TRPM7: variants seen among roughly 807,000 people sequenced by gnomAD.
TRPM7 encodes transient receptor potential cation channel subfamily M member 7.
In TRPM7, 134 loss-of-function variants were observed where a neutral mutation model predicts 229.7. The ratio of observed to expected loss-of-function variants is 0.58; its 90% CI spans 0.51 to 0.67. The LOEUF (loss-of-function observed/expected upper bound fraction) is 0.67. TRPM7 is among the 30% of genes least tolerant of loss of function. The probability of loss-of-function intolerance (pLI) is 0.00; values close to 1 mark genes in which losing one functional copy is unlikely to be tolerated. For synonymous variants in TRPM7, 699 were observed against 715.2 expected, an observed-to-expected ratio of 0.98 and a Z score of 0.36; for missense variants, 1,901 against 2,210.0, an observed-to-expected ratio of 0.86 and a Z score of 2.80.
At chr15:50,628,829 T>C (rs2060642949) in intron 10 of TRPM7, among the ~76,000 whole-genome samples, 1 of 152,228 alleles carries the variant, frequency 6.6e-6, no homozygotes, top group Non-Finnish European at 1.5e-5. Context: ...GATAGCGCTA[T>C]TAGGATTCTG....
At position 50,559,827 on chromosome 15, in the gene TRPM7, A is replaced by C. The variant is rs540854709; in HGVS notation, c.*1851T>G. On this transcript the variant is annotated 3_prime_UTR_variant, in exon 39 of 39. Coordinates refer to ENST00000646667, the MANE Select transcript of TRPM7 (RefSeq NM_017672.6). ...CAGGAGTTTGTGACCACACTGGCCAACATAGTGAAACCCTGTCTCTACTAA... is the reference window on the plus strand; with the variant it reads ...CAGGAGTTTGTGACCACACTGGCCACCATAGTGAAACCCTGTCTCTACTAA... 8 of 152,228 alleles carry C rather than the reference A, an allele frequency of 5.3e-5. No homozygotes were observed. Among genetic ancestry groups the C allele is most frequent in the African/African-American group, 1.9e-4 (8 of 41,534 alleles). The allele number at this position is 152,228 out of a possible 1,614,324, so 9.4% of individuals were successfully genotyped here.
At chr15:50,611,923 T>C (rs1014075326) in intron 16 of TRPM7, among the ~76,000 whole-genome samples, 33 of 152,236 alleles carry the variant, frequency 2.2e-4, no homozygotes, top group African/African-American at 7.7e-4. Flanking sequence ...TTATGAACTA[T>C]GTCGTTACTC....
chr15:50,581,501 A>G (rs1323426206), intron 29 of TRPM7, among the ~76,000 whole-genome samples: 1 of 71,600 alleles, frequency 1.4e-5, no homozygotes, highest in Non-Finnish European at 4.2e-5. Context: ...TCCATCTCGA[A>G]AAAAAAAATA....
intron 6 of TRPM7, among the ~76,000 whole-genome samples, 154 bp from the exon 7 acceptor site, chr15:50,637,747 G>A (rs1028969012): frequency 3.9e-5 from 6 of 152,180 alleles, no homozygotes; most frequent in Admixed American, 1.3e-4. Flanking sequence ...TTCAAAAAGC[G>A]TAAGCTTTTA....
intron 28 of TRPM7, 143 bp downstream of exon 28, chr15:50,586,249 G>C: frequency 1.9e-6 from 1 of 518,066 alleles, no homozygotes. Flanking sequence ...ACTTATTCAA[G>C]GTTACAGTCA....
At chr15:50,593,061 C>T (rs936626683) in intron 25 of TRPM7, among the ~76,000 whole-genome samples, 5 of 151,988 alleles carry the variant, frequency 3.3e-5, no homozygotes, top group African/African-American at 4.8e-5. Flanking sequence ...GAGGCTGAGG[C>T]GGGCAGATCA....
intron 12 of TRPM7, among the ~76,000 whole-genome samples, chr15:50,622,983 C>T (rs571041398): frequency 1.3e-5 from 2 of 152,266 alleles, no homozygotes; most frequent in African/African-American, 4.8e-5. Context: ...TTAACTATGC[C>T]ACCAAGCTTC....
rs1249520958 is a variant in TRPM7, at chr15:50,561,788, T to C, written c.5488A>G (p.Thr1830Ala). 6.2e-7 allele frequency: 1 copy of C among 1,610,102 alleles called. No homozygotes were observed. The highest frequency in any genetic ancestry group is 8.5e-7 in the Non-Finnish European group (1 of 1,178,988). ...KLPDLKRNDYTPDKIIFPQDE... is the reference protein window; with the variant it reads ...KLPDLKRNDYAPDKIIFPQDE... ...TGAGGAAATATAATTTTATCAGGCG[T>C]ATAATCATTCCTCTTCAGATCTACA... The change falls in exon 39 of 39, where the codon ACG becomes GCG. Residue 1830 changes from threonine to alanine, a missense_variant. Physicochemically the swap from Thr to Ala is moderately conservative, Grantham distance 58 (BLOSUM62 0). Coordinates refer to ENST00000646667, the MANE Select transcript of TRPM7 (RefSeq NM_017672.6).
Position 50,648,671 on chromosome 15 carries a change from C to A in TRPM7, c.321+16G>T. ...AATAACAACATAAATGAAGAAAAAT[C>A]CAATATGTGACATACCTTAGCTCTG... is the stretch of plus-strand genomic sequence containing the variant. On this transcript the variant is annotated intron_variant, in intron 4 of 38. Coordinates refer to ENST00000646667, the MANE Select transcript of TRPM7 (RefSeq NM_017672.6). The A allele has an allele frequency of 1.3e-6, 2 of 1,560,120 alleles. No homozygotes were observed. Among genetic ancestry groups the A allele is most frequent in the South Asian group, 1.2e-5 (1 of 81,064 alleles).
At position 50,678,246 on chromosome 15, in the gene TRPM7, AAAAAACAAAAACAAAAAC is replaced by A. The variant is rs1259251319; in HGVS notation, c.3+8267_3+8284del. On this transcript the variant is annotated intron_variant, in intron 1 of 38. Coordinates refer to ENST00000646667, the MANE Select transcript of TRPM7 (RefSeq NM_017672.6). ...CAGAGTGAGACTCTCTCTCAAAAAA[AAAAAACAAAAACAAAAAC>A]AAAAACAAAAACAAAAACCAACACC... Among the ~76,000 whole-genome samples, 51 of 142,504 alleles carry A rather than the reference AAAAAACAAAAACAAAAAC, an allele frequency of 3.6e-4. 1 individual carries two copies. The highest frequency in any genetic ancestry group is 7.2e-4 in the Non-Finnish European group (47 of 65,576). The allele number at this position is 142,504 out of a possible 152,430, so 93.5% of individuals were successfully genotyped here.
At chr15:50,571,549 T>C (rs1349654350) in intron 36 of TRPM7, among the ~76,000 whole-genome samples, 2 of 149,962 alleles carry the variant, frequency 1.3e-5, no homozygotes, top group African/African-American at 4.9e-5. Flanking sequence ...AAAATGCCTA[T>C]GATATATCGT....
intron 1 of TRPM7, among the ~76,000 whole-genome samples, chr15:50,685,564 T>C (rs1026300721): frequency 1.3e-5 from 2 of 152,242 alleles, no homozygotes; most frequent in African/African-American, 4.8e-5. Flanking sequence ...TTTAGTTTTG[T>C]ATGGCACTTG....
At chr15:50,683,681 G>A (rs1289892362) in intron 1 of TRPM7, among the ~76,000 whole-genome samples, 1 of 151,990 alleles carries the variant, frequency 6.6e-6, no homozygotes, top group African/African-American at 2.4e-5. Context: ...CAGCAAGCCA[G>A]GCACTCCAGC....
At position 50,681,246 on chromosome 15, in the gene TRPM7, G is replaced by A. The variant is rs554609549; in HGVS notation, c.3+5285C>T. ...AGCCTGGATGACCGAGCAAGACTTC[G>A]TCTCAAAAATAAATAAATACACACA... is the stretch of plus-strand genomic sequence containing the variant. On this transcript the variant is annotated intron_variant, in intron 1 of 38. Coordinates refer to ENST00000646667, the MANE Select transcript of TRPM7 (RefSeq NM_017672.6). Among the ~76,000 whole-genome samples, 9 of 126,000 alleles carry A rather than the reference G, an allele frequency of 7.1e-5. No individual in the cohort carries two copies. The East Asian group carries it at 1.0e-3, about 14-fold the overall frequency. The allele number at this position is 126,000 out of a possible 152,430, so 82.7% of individuals were successfully genotyped here. A position where few individuals can be genotyped will look rare whatever the true frequency, so the allele number is the denominator to read the frequency against.
In TRPM7 at chr15:50,561,650, C is replaced by A; in HGVS notation, c.*28G>T. On this transcript the variant is annotated 3_prime_UTR_variant, in exon 39 of 39. Coordinates refer to ENST00000646667, the MANE Select transcript of TRPM7 (RefSeq NM_017672.6). ...CAGTAACATTTCTGTGAGGTGCAGG[C>A]AAAACCAATGATTCAGTAATATTAA... The A allele has an allele frequency of 6.2e-7, 1 of 1,601,322 alleles. No homozygotes were observed. The highest frequency in any genetic ancestry group is 8.5e-7 in the Non-Finnish European group (1 of 1,176,836).
At chr15:50,652,920 G>A (rs1005246520) in intron 3 of TRPM7, among the ~76,000 whole-genome samples, 1 of 152,164 alleles carries the variant, frequency 6.6e-6, no homozygotes, top group African/African-American at 2.4e-5. Context: ...CCAGCACTTT[G>A]AGAGGCCAAA....
At chr15:50,609,265 A>G (rs1014276457) in intron 19 of TRPM7, among the ~76,000 whole-genome samples, 1 of 152,196 alleles carries the variant, frequency 6.6e-6, no homozygotes, top group Non-Finnish European at 1.5e-5. Flanking sequence ...ATAACTGTGT[A>G]TCAGAATCTC....
chr15:50,629,258 G>A (rs1486751797), intron 10 of TRPM7, among the ~76,000 whole-genome samples: 1 of 138,568 alleles, frequency 7.2e-6, no homozygotes, highest in Non-Finnish European at 1.6e-5. Flanking sequence ...CATGTGCCAT[G>A]GAGAGGGGAG....
chr15:50,617,934 C>T (rs1461328637), intron 13 of TRPM7, among the ~76,000 whole-genome samples: 4 of 152,122 alleles, frequency 2.6e-5, no homozygotes, highest in Non-Finnish European at 4.4e-5. Context: ...GCTGGTATTA[C>T]GGGTATGAGC....
Sources: gnomAD v4.1 joint callset for allele counts (sites outside exome capture counted in the v4.1 genomes callset) on GRCh38, gnomAD v4.1.1 for gene constraint, MANE v1.5 for transcripts, NCBI Gene and HGNC (gene_info 2026-07-23, HGNC 2026-07-21) for gene names.